Variants in BRD9 observed in about 807,000 individuals in gnomAD.
The protein encoded by BRD9 is bromodomain-containing protein 9.
In BRD9, 47 loss-of-function variants were observed where a neutral mutation model predicts 68.7. The observed-to-expected ratio is 0.68, with a 90% CI of 0.54 to 0.87. The LOEUF (loss-of-function observed/expected upper bound fraction) is 0.87. Among genes scored for constraint, BRD9 ranks in the 40% least tolerant of loss-of-function variants. The probability of loss-of-function intolerance (pLI) is 0.00; values close to 1 mark genes in which losing one functional copy is unlikely to be tolerated. For synonymous variants in BRD9, 313 were observed against 293.9 expected (o/e 1.06, Z -0.67); for missense variants, 670 against 748.4 (o/e 0.90, Z 1.22).
chr5:892,750 G>C lies in BRD9; in HGVS notation c.-93C>G. 1 of 1,170,554 alleles carries C rather than the reference G, an allele frequency of 8.5e-7. No homozygotes were observed. Among genetic ancestry groups the C allele is most frequent in the Non-Finnish European group, 1.1e-6 (1 of 931,758 alleles). The allele number at this position is 1,170,554 out of a possible 1,614,324, so 72.5% of individuals were successfully genotyped here. The stretch of plus-strand genomic sequence containing the variant: ...CACCGCCCCCTGGCCCTGGCTGGCC[G>C]CCCGCGCTCGCTGCGCCGAGGTTGC... On this transcript the variant is annotated 5_prime_UTR_variant, in exon 1 of 16. Transcript: ENST00000467963.
At position 892,679 on chromosome 5, in the gene BRD9, G is replaced by T; in HGVS notation, c.-22C>A. 7.1e-7 allele frequency: 1 copy of T among 1,400,094 alleles called. No homozygotes were observed. Among genetic ancestry groups the T allele is most frequent in the Non-Finnish European group, 9.3e-7 (1 of 1,076,044 alleles). 86.7% of individuals were successfully genotyped at this position (1,400,094 alleles called of 1,614,324 possible). A position where few individuals can be genotyped will look rare whatever the true frequency, so the allele number is the denominator to read the frequency against. On this transcript the variant is annotated 5_prime_UTR_variant, in exon 1 of 16. Transcript: ENST00000467963. Reference sequence around the variant, plus strand: ...CCATGGCGGCGCCGGCGGCGGGCCCGAGGCGGGGGCTGGGAACAGCTGGCA... The same window carrying T: ...CCATGGCGGCGCCGGCGGCGGGCCCTAGGCGGGGGCTGGGAACAGCTGGCA...
chr5:889,896 G>A (rs1753107447), intron 3 of BRD9: 2 of 593,704 alleles, frequency 3.4e-6, no homozygotes, highest in Non-Finnish European at 5.7e-6. Flanking sequence ...TCAACAATAT[G>A]TGGTGATCAC....
rs558721323 is a variant in BRD9 at position 882,790 on chromosome 5, C to T, written c.966+1148G>A. Among the ~76,000 whole-genome samples the T allele has an allele frequency of 2.0e-3, 307 of 151,376 alleles. 2 individuals carry two copies. The highest frequency in any genetic ancestry group is 7.1e-3 in the African/African-American group (293 of 41,232). ...CCCAACACACGAGCCACGCAAACCACAGCAACTTCCCAACACATAAGCCAG... is the reference window on the plus strand; with the variant it reads ...CCCAACACACGAGCCACGCAAACCATAGCAACTTCCCAACACATAAGCCAG... On this transcript the variant is annotated intron_variant, in intron 8 of 15. Coordinates refer to ENST00000467963, the MANE Select transcript of BRD9 (RefSeq NM_023924.5).
intron 14 of BRD9, chr5:868,964 C>A (rs1749752568): frequency 4.9e-6 from 1 of 205,256 alleles, no homozygotes; most frequent in Non-Finnish European, 9.8e-6. Flanking sequence ...CAGGTGAGGG[C>A]ACAGTCTCCA....
chr5:873,341 A>C (rs1750427863), intron 12 of BRD9, among the ~76,000 whole-genome samples: 1 of 152,072 alleles, frequency 6.6e-6, no homozygotes, highest in Non-Finnish European at 1.5e-5. Context: ...CTTTGTTCTG[A>C]ATTTCTTCCT....
intron 7 of BRD9, 104 bp downstream of exon 7, chr5:886,488 T>C (rs956695127): frequency 9.0e-7 from 1 of 1,113,924 alleles, no homozygotes; most frequent in Non-Finnish European, 1.3e-6. Flanking sequence ...CTATGTGACA[T>C]GACATCCGTT....
rs773275310 is a variant in BRD9 at position 891,721 on chromosome 5, C to T, written c.186G>A (p.Arg62=). The T allele has an allele frequency of 9.0e-6, 14 of 1,551,514 alleles. No homozygotes were observed. The South Asian group carries it at 1.5e-4, about 17-fold the overall frequency. Reference sequence around the variant, plus strand: ...TCTTCTTCTTTTTCTTTTCTTTGTGCCTCTCTCGCTCATGGTCTGACCTGT... The same window carrying T: ...TCTTCTTCTTTTTCTTTTCTTTGTGTCTCTCTCGCTCATGGTCTGACCTGT... ...YDDRSDHERE[R]HKEKKKKKKK... Residue 62 remains arginine, a synonymous_variant, in exon 2 of 16, where the codon AGG becomes AGA. Transcript: ENST00000467963.
At chr5:889,261 T>C in intron 4 of BRD9, 96 bp from the exon 5 acceptor site, 1 of 1,325,438 alleles carries the variant, frequency 7.5e-7, no homozygotes, top group Non-Finnish European at 1.0e-6. Flanking sequence ...GACCGAATTT[T>C]GTTTCTTAAA....
Position 864,568 on chromosome 5 carries a change from C to A in BRD9, c.1694G>T (p.Gly565Val). 6.2e-7 allele frequency: 1 copy of A among 1,613,434 alleles called. No homozygotes were observed. Among genetic ancestry groups the A allele is most frequent in the Non-Finnish European group, 8.5e-7 (1 of 1,179,614 alleles). ...NASERDQHHL[G>V]SPSRLSVGEQ... ...CCCGACACTCAGGCGAGAAGGGCTT[C>A]CTGCAATTTTCAGAACACAGGACTT... is the stretch of plus-strand genomic sequence containing the variant. Residue 565 changes from glycine to valine, a missense_variant and splice_region_variant, in exon 16 of 16, where the codon GGA becomes GTA. Around this residue, in one of 5 missense-constraint regions of BRD9, gnomAD observed 280 missense variants for 281.5 expected, o/e 0.99. Transcript: ENST00000467963.
Position 891,145 on chromosome 5 carries a change from G to T in BRD9, c.400+10C>A, listed in dbSNP as rs1463496161. 1 of 1,546,754 alleles carries T rather than the reference G, an allele frequency of 6.5e-7. No homozygotes were observed. Among genetic ancestry groups the T allele is most frequent in the East Asian group, 2.4e-5 (1 of 40,828 alleles). On this transcript the variant is annotated intron_variant, in intron 3 of 15. Transcript: ENST00000467963. ...GAACACCAGGAGAGTCTCTAAAAGT[G>T]CACCCTTGCCTGGCTGTGTCCGGCA...
rs775412702 is a variant in BRD9, at chr5:889,776, T to C, written c.401-129A>G. The C allele has an allele frequency of 7.3e-6, 11 of 1,512,756 alleles. No homozygotes were observed. The African/African-American group carries it at 1.3e-4, about 17-fold the overall frequency. 93.7% of individuals were successfully genotyped at this position (1,512,756 alleles called of 1,614,324 possible). A position where few individuals can be genotyped will look rare whatever the true frequency, so the allele number is the denominator to read the frequency against. On this transcript the variant is annotated intron_variant, in intron 3 of 15. Coordinates refer to ENST00000467963, the MANE Select transcript of BRD9 (RefSeq NM_023924.5). ...TAAGTTCCACCGAGAACTGGGGATA[T>C]AAAGATACATCCGACTCAGCCTTGG...
chr5:886,182 C>T (rs1406586505), intron 7 of BRD9, among the ~76,000 whole-genome samples: 1 of 152,216 alleles, frequency 6.6e-6, no homozygotes. Flanking sequence ...GCATCTGCCC[C>T]ACAGCAACAA....
chr5:881,262 G>A, intron 8 of BRD9, 80 bp from the exon 9 acceptor site: 1 of 1,333,980 alleles, frequency 7.5e-7, no homozygotes, highest in Non-Finnish European at 1.1e-6. Context: ...AACAAGCAGG[G>A]CTTAATGGGG....
At chr5:889,891 A>C in intron 3 of BRD9, 1 of 626,406 alleles carries the variant, frequency 1.6e-6, no homozygotes, top group South Asian at 1.5e-5. Context: ...TTACATCAAC[A>C]ATATGTGGTG....
Position 878,454 on chromosome 5 carries a change from G to C in BRD9, c.1172C>G (p.Ser391Trp). ...TFLSSATTAL[S>W]MQNNSVFGDL... ...GCCAAATACTGAATTATTCTGCATC[G>C]AAAGCGCAGTAGTGGCACTGGAGAG... The change falls in exon 11 of 16, where the codon TCG (serine) becomes TGG (tryptophan). Residue 391 changes from serine (S) to tryptophan (W), a missense_variant. Ser to Trp is a radical substitution (Grantham distance 177). Around this residue, in one of 5 missense-constraint regions of BRD9, gnomAD observed 280 missense variants for 281.5 expected, o/e 0.99. Transcript: ENST00000467963. The C allele has an allele frequency of 1.2e-6, 2 of 1,614,270 alleles. No homozygotes were observed. The highest frequency in any genetic ancestry group is 1.7e-6 in the Non-Finnish European group (2 of 1,180,058).
rs568208913 is a variant in BRD9, at chr5:883,561, A to T, written c.966+377T>A. On this transcript the variant is annotated intron_variant, in intron 8 of 15. Coordinates refer to ENST00000467963, the MANE Select transcript of BRD9 (RefSeq NM_023924.5). ...TGGCCTATTATGGACCATCTGTCGG[A>T]TCCAACACCAGCACCCCCACTGGAA... is the stretch of plus-strand genomic sequence containing the variant. 23 of 390,266 alleles carry T rather than the reference A, an allele frequency of 5.9e-5. 1 individual carries two copies. The East Asian group carries it at 1.3e-3, about 22-fold the overall frequency. 24.2% of individuals were successfully genotyped at this position (390,266 alleles called of 1,614,324 possible).
In BRD9 at chr5:889,702, G is replaced by A. The variant is rs570915959; in HGVS notation, c.401-55C>T. 372 of 1,600,326 alleles carry A rather than the reference G, an allele frequency of 2.3e-4. 3 individuals carry two copies. The South Asian group carries it at 3.9e-3, about 17-fold the overall frequency. ...ACAAGACTTTGGTATCCCTTCATTA[G>A]AGAGCTCCAAGTTCACAGTATCTGT... is the stretch of plus-strand genomic sequence containing the variant. On this transcript the variant is annotated intron_variant, in intron 3 of 15. Coordinates refer to ENST00000467963, the MANE Select transcript of BRD9 (RefSeq NM_023924.5).
At chr5:868,466 T>C (rs919183524) in intron 14 of BRD9, 10 of 152,194 alleles carry the variant, frequency 6.6e-5, no homozygotes, top group African/African-American at 2.4e-4. Flanking sequence ...GGGGCCAGGG[T>C]CCCCTGGAAG....
chr5:876,106 T>TC lies in BRD9; in HGVS notation c.1377dup (p.Lys460GlufsTer13), dbSNP rs1463339480. The TC allele has an allele frequency of 3.1e-6, 5 of 1,610,320 alleles. No homozygotes were observed. Among genetic ancestry groups the TC allele is most frequent in the Non-Finnish European group, 3.4e-6 (4 of 1,177,794 alleles). ...CCGGTGCGAGTGCAGCCCACCTGCT[T>TC]CAGCTGGAAGAGCGTCCTAGAGTGG... On this transcript the variant is annotated frameshift_variant, in exon 12 of 16. Coordinates refer to ENST00000467963, the MANE Select transcript of BRD9 (RefSeq NM_023924.5). LOFTEE classifies it high-confidence loss of function.
Sources: gnomAD v4.1 joint callset for allele counts (sites outside exome capture counted in the v4.1 genomes callset) on GRCh38, gnomAD v4.1.1 for gene constraint, gnomAD v4.1.1 regional missense constraint, MANE v1.5 for transcripts, NCBI Gene and HGNC (gene_info 2026-07-23, HGNC 2026-07-21) for gene names.